CADPS: variants seen among roughly 807,000 people sequenced by gnomAD.
CADPS encodes calcium dependent secretion activator.
A neutral mutation model predicts 167.3 loss-of-function variants in CADPS; 57 were observed. The ratio of observed to expected loss-of-function variants is 0.34; its 90% CI spans 0.28 to 0.42. CADPS has a LOEUF of 0.42. Ranked by LOEUF, CADPS falls within the 20% of genes least tolerant of loss-of-function variation. The pLI is 1.00. For synonymous variants in CADPS, 676 were observed against 635.3 expected (o/e 1.06, Z -0.96); for missense variants, 1,414 against 1,738.1 (o/e 0.81, Z 3.32).
At chr3:62,467,243 C>A in intron 24 of CADPS, 1 of 962,622 alleles carries the variant, frequency 1.0e-6, no homozygotes, top group South Asian at 1.7e-5. Context: ...CCATATTTCC[C>A]TAACAAAAAA....
intron 6 of CADPS, among the ~76,000 whole-genome samples, chr3:62,639,000 T>C (rs1036616407): frequency 5.3e-5 from 8 of 152,062 alleles, no homozygotes; most frequent in Admixed American, 4.6e-4. Flanking sequence ...TCCTTCCCAC[T>C]GTCTATCCTA....
chr3:62,754,535 A>C (rs948417110), intron 2 of CADPS, among the ~76,000 whole-genome samples: 1 of 152,096 alleles, frequency 6.6e-6, no homozygotes, highest in Non-Finnish European at 1.5e-5. Flanking sequence ...CTGTTATGTA[A>C]GCCAGACTTC....
At chr3:62,800,488 T>C (rs775830544) in intron 1 of CADPS, among the ~76,000 whole-genome samples, 13 of 152,084 alleles carry the variant, frequency 8.5e-5, no homozygotes, top group Non-Finnish European at 1.8e-4. Context: ...GTAGAAAAAA[T>C]GAAAACTAAA....
chr3:62,690,031 G>A (rs1310974661), intron 3 of CADPS, among the ~76,000 whole-genome samples: 1 of 151,918 alleles, frequency 6.6e-6, no homozygotes, highest in East Asian at 1.9e-4. Flanking sequence ...ATTCTTCTCT[G>A]GACTAGAGTC....
At chr3:62,487,875 A>C (rs1287662050) in intron 21 of CADPS, among the ~76,000 whole-genome samples, 7 of 152,206 alleles carry the variant, frequency 4.6e-5, no homozygotes, top group Admixed American at 4.6e-4. Flanking sequence ...TAGCAAACTC[A>C]ATACATTGGT....
chr3:62,875,257 C>T lies in CADPS; in HGVS notation c.-228G>A, dbSNP rs1560056490. ...AAGGGAGGAGGGGAAGGGAGAGGTG[C>T]GTCCGTGGACTCGAGGTGGGCAAGG... On this transcript the variant is annotated 5_prime_UTR_variant, in exon 1 of 30. Transcript: ENST00000383710. 8.5e-6 allele frequency: 3 copies of T among 351,526 alleles called. No homozygotes were observed. Among genetic ancestry groups the T allele is most frequent in the Non-Finnish European group, 1.5e-5 (3 of 206,230 alleles). The allele number at this position is 351,526 out of a possible 1,614,324, so 21.8% of individuals were successfully genotyped here.
chr3:62,721,136 A>ATTT (rs1564299437), intron 3 of CADPS, among the ~76,000 whole-genome samples: 1 of 72,684 alleles, frequency 1.4e-5, no homozygotes, highest in African/African-American at 6.9e-5. Context: ...TTTTTTTTTA[A>ATTT]AAAAAAAAAG....
chr3:62,693,140 C>T (rs1194951231), intron 3 of CADPS, among the ~76,000 whole-genome samples: 2 of 152,044 alleles, frequency 1.3e-5, no homozygotes, highest in Non-Finnish European at 2.9e-5. Flanking sequence ...CTGCCCCTCC[C>T]TTCAGGCCTC....
chr3:62,570,927 GC>G lies in CADPS; in HGVS notation c.1588del (p.Ala530ProfsTer73). ...QNMKHSGYLW[A>X]IGKNVWKRWK... ...TCTCTTCCAGACATTCTTACCGATG[GC>G]CCATAAATACCTAAGGGAAAGGAGA... On this transcript the variant is annotated frameshift_variant, in exon 9 of 30. Transcript: ENST00000383710. LOFTEE classifies it high-confidence loss of function. The G allele has an allele frequency of 6.2e-7, 1 of 1,606,404 alleles. No homozygotes were observed. The highest frequency in any genetic ancestry group is 8.5e-7 in the Non-Finnish European group (1 of 1,172,930).
At chr3:62,584,290 A>T (rs1473939081) in intron 8 of CADPS, among the ~76,000 whole-genome samples, 1 of 152,184 alleles carries the variant, frequency 6.6e-6, no homozygotes, top group African/African-American at 2.4e-5. Context: ...TACAGGCATG[A>T]GCCACTGTGC....
At chr3:62,437,473 C>T (rs937032925) in intron 28 of CADPS, among the ~76,000 whole-genome samples, 1 of 151,582 alleles carries the variant, frequency 6.6e-6, no homozygotes, top group African/African-American at 2.4e-5. Flanking sequence ...GATCTGGGTC[C>T]GCAGCCCAAT....
intron 18 of CADPS, among the ~76,000 whole-genome samples, chr3:62,497,913 C>T (rs538677596): frequency 2.0e-5 from 3 of 152,252 alleles, no homozygotes; most frequent in East Asian, 3.9e-4. Flanking sequence ...TAACTGCAGT[C>T]GTTGTTAAGT....
At chr3:62,486,176 G>C (rs546040850) in intron 21 of CADPS, among the ~76,000 whole-genome samples, 2 of 152,192 alleles carry the variant, frequency 1.3e-5, no homozygotes, top group Non-Finnish European at 2.9e-5. Flanking sequence ...GCCAGGTGCA[G>C]TGGCTCACGC....
chr3:62,686,996 G>GT (rs1018003831), intron 3 of CADPS, among the ~76,000 whole-genome samples: 2 of 152,112 alleles, frequency 1.3e-5, no homozygotes, highest in African/African-American at 4.8e-5. Flanking sequence ...TGCAATGATG[G>GT]TGACAGCTGT....
At chr3:62,511,116 C>A (rs956524943) in intron 17 of CADPS, among the ~76,000 whole-genome samples, 2 of 152,070 alleles carry the variant, frequency 1.3e-5, no homozygotes, top group Non-Finnish European at 2.9e-5. Flanking sequence ...GCAGTTGAGA[C>A]CTGTGGAATC....
chr3:62,825,714 T>C (rs1001855459), intron 1 of CADPS, among the ~76,000 whole-genome samples: 1 of 152,182 alleles, frequency 6.6e-6, no homozygotes, highest in African/African-American at 2.4e-5. Flanking sequence ...TTTCATATCA[T>C]CACTGCTGGC....
intron 28 of CADPS, among the ~76,000 whole-genome samples, chr3:62,415,544 C>T (rs777612750): frequency 2.6e-5 from 4 of 152,084 alleles, no homozygotes; most frequent in Admixed American, 6.5e-5. Context: ...CTGACATGCT[C>T]GTAGCTTAAG....
intron 1 of CADPS, among the ~76,000 whole-genome samples, chr3:62,865,473 G>T (rs1559998116): frequency 6.6e-6 from 1 of 150,978 alleles, no homozygotes; most frequent in African/African-American, 2.4e-5. Flanking sequence ...AGCACGTGAT[G>T]AATTAATATT....
chr3:62,671,890 G>C (rs536697073), intron 3 of CADPS, among the ~76,000 whole-genome samples: 5 of 152,262 alleles, frequency 3.3e-5, no homozygotes, highest in Non-Finnish European at 7.3e-5. Flanking sequence ...AGCCTCCCAA[G>C]AAGCTGGGAC....
Sources: allele counts gnomAD v4.1 joint callset (sites outside exome capture counted in the v4.1 genomes callset), GRCh38; gene constraint gnomAD v4.1.1; transcripts MANE v1.5; gene names NCBI Gene and HGNC (gene_info 2026-07-23, HGNC 2026-07-21).